Variants in CPA6 observed in about 807,000 individuals in gnomAD.
CPA6 encodes the protein carboxypeptidase A6.
CPA6 carries 58 observed loss-of-function variants against 63.3 expected under a neutral mutation model. The observed-to-expected ratio is 0.92, with a 90% CI of 0.74 to 1.14. CPA6 has a LOEUF of 1.14. Ranked by LOEUF, CPA6 falls within the 50% of genes most tolerant of loss-of-function variation. The pLI is 0.00. For synonymous variants in CPA6, 185 were observed against 179.0 expected (o/e 1.03, Z -0.27); for missense variants, 565 against 526.6 (o/e 1.07, Z -0.71).
intron 1 of CPA6, among the ~76,000 whole-genome samples, chr8:67,694,251 C>T (rs1200068819): frequency 6.6e-6 from 1 of 152,210 alleles, no homozygotes; most frequent in Admixed American, 6.5e-5. Context: ...GATAGGGATG[C>T]TGTTTGGAGC....
At chr8:67,475,877 T>G (rs867031728) in intron 8 of CPA6, among the ~76,000 whole-genome samples, 1 of 72,086 alleles carries the variant, frequency 1.4e-5, no homozygotes, top group African/African-American at 5.6e-5. Context: ...CTTTCTTTCT[T>G]TCTCCTTTCT....
Position 67,517,981 on chromosome 8 carries a change from G to T in CPA6, c.259C>A (p.Pro87Thr), listed in dbSNP as rs752479800. 5.0e-6 allele frequency: 8 copies of T among 1,612,908 alleles called. No individual in the cohort carries two copies. In the African/African-American group the frequency reaches 9.3e-5, roughly 19 times the overall value. Residue 87 changes from proline (P) to threonine (T), a missense_variant, in exon 3 of 11, where the codon CCC becomes ACC. Pro to Thr is a conservative substitution (Grantham distance 38). Transcript: ENST00000297770. Reference sequence around the variant, plus strand: ...AACAGGGCTCGGGAACCATTTTGGGGGATATGGACATCAGTAACTGTTCCC... The same window carrying T: ...AACAGGGCTCGGGAACCATTTTGGGTGATATGGACATCAGTAACTGTTCCC... ...SEGTVTDVHI[P>T]QNGSRALLAF... is the part of the protein sequence containing the mutation.
intron 2 of CPA6, among the ~76,000 whole-genome samples, chr8:67,548,083 T>C (rs181272854): frequency 6.6e-6 from 1 of 151,644 alleles, no homozygotes; most frequent in Non-Finnish European, 1.5e-5. Context: ...TTCTTTTCTT[T>C]TCTTTCTCTC....
chr8:67,448,131 C>T (rs1027368202), intron 8 of CPA6, among the ~76,000 whole-genome samples: 3 of 152,146 alleles, frequency 2.0e-5, no homozygotes, highest in African/African-American at 4.8e-5. Flanking sequence ...TACTTTAGAC[C>T]GGACTCTTTG....
intron 1 of CPA6, among the ~76,000 whole-genome samples, chr8:67,681,411 T>C (rs981547971): frequency 6.6e-6 from 1 of 150,892 alleles, no homozygotes; most frequent in African/African-American, 2.4e-5. Context: ...GGGTTTCACC[T>C]TGTTAGCCAG....
chr8:67,606,099 G>A (rs1341807509), intron 2 of CPA6, among the ~76,000 whole-genome samples: 9 of 147,022 alleles, frequency 6.1e-5, no homozygotes, highest in East Asian at 2.1e-4. Context: ...AACAAACACC[G>A]CATGTTCTCA....
At chr8:67,424,682 G>A (rs1306689653) in intron 10 of CPA6, among the ~76,000 whole-genome samples, 2 of 152,182 alleles carry the variant, frequency 1.3e-5, no homozygotes, top group East Asian at 3.8e-4. Context: ...ACCCGAGGGA[G>A]AACCTATATA....
chr8:67,568,909 C>T (rs1236622513), intron 2 of CPA6, among the ~76,000 whole-genome samples: 1 of 152,126 alleles, frequency 6.6e-6, no homozygotes, highest in African/African-American at 2.4e-5. Flanking sequence ...CACCACCATG[C>T]CCAGCTAATT....
chr8:67,473,420 G>A (rs1248197894), intron 8 of CPA6, among the ~76,000 whole-genome samples: 1 of 152,168 alleles, frequency 6.6e-6, no homozygotes, highest in African/African-American at 2.4e-5. Flanking sequence ...AGGTAAGATA[G>A]TAGCAGTAAT....
At chr8:67,470,314 G>A (rs1811029797) in intron 8 of CPA6, among the ~76,000 whole-genome samples, 1 of 152,066 alleles carries the variant, frequency 6.6e-6, no homozygotes. Flanking sequence ...ACAAGTGTGA[G>A]CCACCACGCC....
At chr8:67,479,832 C>T (rs377669309) in intron 8 of CPA6, among the ~76,000 whole-genome samples, 21 of 152,196 alleles carry the variant, frequency 1.4e-4, no homozygotes, top group African/African-American at 4.3e-4. Flanking sequence ...AGGAACTCAT[C>T]GTTTTAGAAA....
chr8:67,562,696 A>G (rs186710535), intron 2 of CPA6, among the ~76,000 whole-genome samples: 9 of 152,320 alleles, frequency 5.9e-5, no homozygotes, highest in East Asian at 1.9e-4. Context: ...AGAGGCCCCA[A>G]TGAGCTCTCA....
At chr8:67,730,973 A>G (rs1817694743) in intron 1 of CPA6, among the ~76,000 whole-genome samples, 1 of 152,234 alleles carries the variant, frequency 6.6e-6, no homozygotes, top group Non-Finnish European at 1.5e-5. Flanking sequence ...TTCTTAAGAA[A>G]TCATTATTTG....
chr8:67,720,770 G>T (rs1002223592), intron 1 of CPA6, among the ~76,000 whole-genome samples: 2 of 152,132 alleles, frequency 1.3e-5, no homozygotes, highest in African/African-American at 4.8e-5. Flanking sequence ...TAACTTCTTT[G>T]AATGAAGAGC....
chr8:67,688,711 TTTTG>T (rs1417743029), intron 1 of CPA6, among the ~76,000 whole-genome samples: 2 of 152,218 alleles, frequency 1.3e-5, no homozygotes, highest in Non-Finnish European at 2.9e-5. Context: ...TCGGTTTGTG[TTTTG>T]TTTGAATGAA....
intron 2 of CPA6, among the ~76,000 whole-genome samples, chr8:67,591,123 C>A (rs2128980985): frequency 6.6e-6 from 1 of 152,078 alleles, no homozygotes; most frequent in African/African-American, 2.4e-5. Flanking sequence ...GTTTTCCCAG[C>A]ACCATTTATT....
chr8:67,684,621 C>T (rs954755690), intron 1 of CPA6, among the ~76,000 whole-genome samples: 3 of 152,150 alleles, frequency 2.0e-5, no homozygotes, highest in African/African-American at 7.2e-5. Context: ...TCTGGGCTTC[C>T]GTACAGGCCC....
At chr8:67,472,375 T>TATTTTATTTTATTTATTTTA (rs1811079380) in intron 8 of CPA6, among the ~76,000 whole-genome samples, 1 of 68,906 alleles carries the variant, frequency 1.5e-5, no homozygotes, top group African/African-American at 5.2e-5. Flanking sequence ...AAGATTTATT[T>TATTTTATTTTATTTATTTTA]TTTTATTTTA....
chr8:67,679,216 AT>A (rs577376707), intron 1 of CPA6, among the ~76,000 whole-genome samples: 45 of 152,358 alleles, frequency 3.0e-4, no homozygotes, highest in African/African-American at 9.9e-4. Flanking sequence ...AAAAGTTGAC[AT>A]TACAAAACAA....
Sources: allele counts gnomAD v4.1 joint callset (sites outside exome capture counted in the v4.1 genomes callset), GRCh38; gene constraint gnomAD v4.1.1; transcripts MANE v1.5; gene names NCBI Gene and HGNC (gene_info 2026-07-23, HGNC 2026-07-21).